Variants in FAT1 observed in about 807,000 individuals in gnomAD.
FAT1 encodes FAT atypical cadherin 1.
FAT1 carries 171 observed loss-of-function variants against 329.8 expected under a neutral mutation model. The observed-to-expected ratio is 0.52, with a 90% CI of 0.46 to 0.59. FAT1 has a LOEUF of 0.59. FAT1 is among the 20% of genes least tolerant of loss of function. FAT1 has a pLI of 0.00. For synonymous variants in FAT1, 2,233 were observed against 2,228.6 expected (o/e 1.00, Z -0.06); for missense variants, 5,672 against 5,774.4 (o/e 0.98, Z 0.57).
chr4:186,599,462 G>A (rs1297175712), intron 22 of FAT1, among the ~76,000 whole-genome samples: 1 of 152,128 alleles, frequency 6.6e-6, no homozygotes, highest in Non-Finnish European at 1.5e-5. Context: ...GGGATTCAGG[G>A]CCTTCTGGAA....
intron 7 of FAT1, among the ~76,000 whole-genome samples, chr4:186,632,184 G>A (rs1740631190): frequency 6.6e-6 from 1 of 152,166 alleles, no homozygotes; most frequent in Admixed American, 6.5e-5. Flanking sequence ...GTTGGTGCAC[G>A]TGATATTTCA....
intron 2 of FAT1, among the ~76,000 whole-genome samples, chr4:186,680,024 C>T (rs1034201369): frequency 2.0e-5 from 3 of 152,162 alleles, no homozygotes; most frequent in Admixed American, 1.3e-4. Context: ...AATAGAAGAC[C>T]ATGAGTGTCT....
At position 186,642,225 on chromosome 4, in the gene FAT1, G is replaced by A. The variant is rs74983120; in HGVS notation, c.3581-2442C>T. ...CTCACCCTTCAGTTTAAACTGAAGC[G>A]GGTTTAAACTTTTAAACTCACTGCA... is the stretch of plus-strand genomic sequence containing the variant. On this transcript the variant is annotated intron_variant, in intron 3 of 26. Coordinates refer to ENST00000441802, the MANE Select transcript of FAT1 (RefSeq NM_005245.4). Among the ~76,000 whole-genome samples the A allele has an allele frequency of 2.5e-3, 387 of 152,186 alleles. 1 individual carries two copies. Among genetic ancestry groups the A allele is most frequent in the African/African-American group, 8.0e-3 (332 of 41,516 alleles).
intron 9 of FAT1, among the ~76,000 whole-genome samples, chr4:186,627,932 A>G (rs1740394772): frequency 6.6e-6 from 1 of 152,046 alleles, no homozygotes; most frequent in African/African-American, 2.4e-5. Context: ...CTGGGCTAAT[A>G]TTGTGAATCC....
chr4:186,689,241 G>A (rs1743633288), intron 2 of FAT1, among the ~76,000 whole-genome samples: 1 of 152,166 alleles, frequency 6.6e-6, no homozygotes, highest in South Asian at 2.1e-4. Flanking sequence ...AAGAAGATTT[G>A]TATCTTGTAC....
At chr4:186,625,171 T>G (rs1740240749) in intron 9 of FAT1, among the ~76,000 whole-genome samples, 1 of 152,146 alleles carries the variant, frequency 6.6e-6, no homozygotes, top group African/African-American at 2.4e-5. Context: ...TAAGGGGAAG[T>G]TTAACATTTT....
chr4:186,589,657 T>C (rs968878231), intron 26 of FAT1, among the ~76,000 whole-genome samples: 2 of 152,160 alleles, frequency 1.3e-5, no homozygotes, highest in African/African-American at 4.8e-5. Context: ...GCACTACTTC[T>C]CATTAAAAAA....
chr4:186,670,926 A>T (rs1202104296), intron 2 of FAT1, among the ~76,000 whole-genome samples: 1 of 152,286 alleles, frequency 6.6e-6, no homozygotes, highest in East Asian at 1.9e-4. Flanking sequence ...AGTTAGTAAC[A>T]ATGTACCAAT....
intron 1 of FAT1, among the ~76,000 whole-genome samples, chr4:186,721,267 A>G (rs996655570): frequency 1.3e-5 from 2 of 152,212 alleles, no homozygotes; most frequent in Non-Finnish European, 2.9e-5. Flanking sequence ...AAAACTTAAA[A>G]GAGTGAAATA....
At chr4:186,689,752 C>T (rs1189640693) in intron 2 of FAT1, among the ~76,000 whole-genome samples, 2 of 152,188 alleles carry the variant, frequency 1.3e-5, no homozygotes, top group Non-Finnish European at 2.9e-5. Context: ...CTACTTAACT[C>T]TTCCACTTCC....
In FAT1 at chr4:186,598,049, T is replaced by C; in HGVS notation, c.12180A>G (p.Pro4060=). The C allele has an allele frequency of 6.2e-7, 1 of 1,613,874 alleles. No individual in the cohort carries two copies. The highest frequency in any genetic ancestry group is 1.1e-5 in the South Asian group (1 of 91,064). Residue 4060 remains proline (P), a synonymous_variant, in exon 23 of 27, where the codon CCA becomes CCG. Coordinates refer to ENST00000441802, the MANE Select transcript of FAT1 (RefSeq NM_005245.4). ...EISVNPCSSK[P]CLYGGTCVVD... The stretch of plus-strand genomic sequence containing the variant: ...CAACACACGTGCCCCCATAGAGGCA[T>C]GGCTTGGAGGAACACGGATTGACGC...
chr4:186,640,129 A>G (rs1741026553), intron 3 of FAT1, among the ~76,000 whole-genome samples: 1 of 152,194 alleles, frequency 6.6e-6, no homozygotes, highest in Admixed American at 6.5e-5. Context: ...TCCATCTCAA[A>G]AATACAATAA....
At chr4:186,667,097 G>C (rs918468067) in intron 2 of FAT1, among the ~76,000 whole-genome samples, 2 of 152,188 alleles carry the variant, frequency 1.3e-5, no homozygotes, top group African/African-American at 4.8e-5. Flanking sequence ...CTAATCTCAA[G>C]GGAAAAAAGA....
chr4:186,718,524 G>A lies in FAT1; in HGVS notation c.-19+5140C>T, dbSNP rs575701570. ...TCTACTAAAAATACAAAAATTAGCC[G>A]GGCGTGGTGGCATGCACCTGTAGTC... is the stretch of plus-strand genomic sequence containing the variant. On this transcript the variant is annotated intron_variant, in intron 1 of 26. Coordinates refer to ENST00000441802, the MANE Select transcript of FAT1 (RefSeq NM_005245.4). 3.8e-3 allele frequency among the ~76,000 whole-genome samples: 581 copies of A among 152,082 alleles called. 2 individuals are homozygous for A. Among genetic ancestry groups the A allele is most frequent in the African/African-American group, 0.013 (555 of 41,494 alleles).
At chr4:186,672,058 A>T (rs1273188142) in intron 2 of FAT1, among the ~76,000 whole-genome samples, 1 of 152,288 alleles carries the variant, frequency 6.6e-6, no homozygotes, top group Admixed American at 6.5e-5. Flanking sequence ...AGTTTATAAG[A>T]TATTACTATT....
chr4:186,713,586 G>C (rs552051041), intron 1 of FAT1, among the ~76,000 whole-genome samples: 52 of 152,256 alleles, frequency 3.4e-4, no homozygotes, highest in African/African-American at 1.0e-3. Context: ...AAGAGACAGA[G>C]AGTTTCGCTA....
intron 11 of FAT1, among the ~76,000 whole-genome samples, 163 bp from the exon 12 acceptor site, chr4:186,614,507 C>T (rs1293495687): frequency 6.6e-6 from 1 of 152,150 alleles, no homozygotes; most frequent in Non-Finnish European, 1.5e-5. Flanking sequence ...TCTCATAAAA[C>T]ATAAAACACA....
intron 13 of FAT1, 56 bp from the exon 14 acceptor site, chr4:186,611,831 T>A (rs551022845): frequency 7.1e-7 from 1 of 1,416,502 alleles, no homozygotes; most frequent in East Asian, 2.5e-5. Context: ...TTAACACTTT[T>A]TTTTTTTTTT....
At position 186,708,031 on chromosome 4, in the gene FAT1, A is replaced by T. The variant is rs2126693277; in HGVS notation, c.1797T>A (p.Leu599=). ...TTVSAIDADE[L]QLVQYQIEAG... ...CTTCAATCTGATACTGTACCAACTGAAGTTCATCTGCATCAATAGCAGAAA... is the reference window on the plus strand; with the variant it reads ...CTTCAATCTGATACTGTACCAACTGTAGTTCATCTGCATCAATAGCAGAAA... Residue 599 remains leucine, a synonymous_variant, in exon 2 of 27, where the codon CTT becomes CTA. Transcript: ENST00000441802. 6.2e-7 allele frequency: 1 copy of T among 1,614,022 alleles called. No homozygotes were observed. Among genetic ancestry groups the T allele is most frequent in the South Asian group, 1.1e-5 (1 of 91,086 alleles).
Sources: gnomAD v4.1 joint callset for allele counts (sites outside exome capture counted in the v4.1 genomes callset) on GRCh38, gnomAD v4.1.1 for gene constraint, MANE v1.5 for transcripts, NCBI Gene and HGNC (gene_info 2026-07-23, HGNC 2026-07-21) for gene names.